The following WAPL variants were observed in gnomAD, a reference collection of about 807,000 sequenced individuals.
The protein encoded by WAPL is wings apart-like protein homolog.
A neutral mutation model predicts 121.0 loss-of-function variants in WAPL; 5 were observed. The ratio of observed to expected loss-of-function variants is 0.04; its 90% CI spans 0.02 to 0.09. The LOEUF (loss-of-function observed/expected upper bound fraction) is 0.09. WAPL is among the 10% of genes least tolerant of loss of function. The pLI, the probability that WAPL is intolerant of heterozygous loss-of-function variation, is 1.00. For missense variants in WAPL, 999 were observed against 1,410.8 expected, an observed-to-expected ratio of 0.71 and a Z score of 4.68; for synonymous variants, 480 against 481.5, an observed-to-expected ratio of 1.00 and a Z score of 0.04.
intron 2 of WAPL, among the ~76,000 whole-genome samples, chr10:86,517,252 C>T (rs1319933609): frequency 6.6e-6 from 1 of 152,122 alleles, no homozygotes; most frequent in Admixed American, 6.6e-5. Context: ...AAATCCTCCA[C>T]AGTAATAGAA....
Position 86,446,267 on chromosome 10 carries a change from C to A in WAPL, c.3297G>T (p.Glu1099Asp). The A allele has an allele frequency of 6.2e-7, 1 of 1,613,508 alleles. No individual in the cohort carries two copies. The highest frequency in any genetic ancestry group is 8.5e-7 in the Non-Finnish European group (1 of 1,179,654). Residue 1099 changes from glutamate (E) to aspartate (D), a missense_variant, in exon 16 of 19, where the codon GAG (glutamate) becomes GAT (aspartate). Glu to Asp is a conservative substitution (Grantham distance 45, BLOSUM62 2). Around this residue, in one of 7 missense-constraint regions of WAPL, gnomAD observed 126 missense variants for 144.0 expected, o/e 0.87. Coordinates refer to ENST00000298767, the MANE Select transcript of WAPL (RefSeq NM_015045.5). ...GTEEKHKKEEEDEELDLNKAL... is the reference protein window; with the variant it reads ...GTEEKHKKEEDDEELDLNKAL... Reference sequence around the variant, plus strand: ...CTTTATTGAGGTCAAGTTCTTCATCCTCCTCCTCCTTCTTATGTTTCTCTT... The same window carrying A: ...CTTTATTGAGGTCAAGTTCTTCATCATCCTCCTCCTTCTTATGTTTCTCTT...
intron 2 of WAPL, among the ~76,000 whole-genome samples, chr10:86,502,062 TGAAA>T (rs750681863): frequency 1.3e-5 from 2 of 152,226 alleles, no homozygotes; most frequent in Non-Finnish European, 2.9e-5. Flanking sequence ...AATGTACATG[TGAAA>T]GAAAGGACTT....
At chr10:86,450,086 A>G (rs1044009240) in intron 15 of WAPL, among the ~76,000 whole-genome samples, 2 of 152,224 alleles carry the variant, frequency 1.3e-5, no homozygotes, top group African/African-American at 4.8e-5. Flanking sequence ...CTATAGTACT[A>G]CAGTTATATA....
At chr10:86,481,529 A>AG (rs1841786341) in intron 4 of WAPL, among the ~76,000 whole-genome samples, 9 of 152,092 alleles carry the variant, frequency 5.9e-5, no homozygotes, top group Admixed American at 5.2e-4. Context: ...ATGTGCTACC[A>AG]CGCCCAGCTA....
At position 86,472,461 on chromosome 10, in the gene WAPL, AT is replaced by A; in HGVS notation, c.1894-118del. ...TAGTTCATTAGATGGCAACAAAAAT[AT>A]TTTTAGAACAAGGATGATGGTAGGA... On this transcript the variant is annotated intron_variant, in intron 6 of 18. Transcript: ENST00000298767. This position sits in a 1 kb window ranked among gnomAD's most constrained non-coding sequence, Gnocchi z 4.2. 1 of 1,503,980 alleles carries A rather than the reference AT, an allele frequency of 6.6e-7. No homozygotes were observed. The highest frequency in any genetic ancestry group is 1.3e-5 in the South Asian group (1 of 78,412). 93.2% of individuals were successfully genotyped at this position (1,503,980 alleles called of 1,614,324 possible). A position where few individuals can be genotyped will look rare whatever the true frequency, so the allele number is the denominator to read the frequency against.
chr10:86,511,650 AG>A (rs1368927016), intron 2 of WAPL, among the ~76,000 whole-genome samples: 1 of 152,186 alleles, frequency 6.6e-6, no homozygotes, highest in Non-Finnish European at 1.5e-5. Flanking sequence ...AAGAAATAAC[AG>A]GGCCGGGCAC....
chr10:86,447,551 T>C (rs1849653632), intron 15 of WAPL, among the ~76,000 whole-genome samples: 1 of 152,038 alleles, frequency 6.6e-6, no homozygotes, highest in African/African-American at 2.4e-5. Flanking sequence ...CCTGTTAGAC[T>C]GGCAAAAATC....
chr10:86,468,593 T>C (rs576877239), intron 8 of WAPL, among the ~76,000 whole-genome samples: 14 of 152,320 alleles, frequency 9.2e-5, no homozygotes, highest in African/African-American at 2.9e-4. Flanking sequence ...ACACATTTTT[T>C]CCCCTGGAAA....
intron 12 of WAPL, among the ~76,000 whole-genome samples, chr10:86,457,609 T>A (rs1220656447): frequency 6.6e-6 from 1 of 151,614 alleles, no homozygotes; most frequent in Non-Finnish European, 1.5e-5. Context: ...GCCGAGATCA[T>A]GCCACTGTAC....
intron 4 of WAPL, among the ~76,000 whole-genome samples, chr10:86,491,288 C>T (rs528193318): frequency 3.0e-4 from 46 of 151,104 alleles, no homozygotes; most frequent in African/African-American, 9.2e-4. Flanking sequence ...CACAGGCGCC[C>T]GCCACCACAC....
At chr10:86,477,299 G>A (rs886946389) in intron 4 of WAPL, among the ~76,000 whole-genome samples, 3 of 152,160 alleles carry the variant, frequency 2.0e-5, no homozygotes, top group Non-Finnish European at 4.4e-5. Flanking sequence ...TGTATGTAAA[G>A]CACAAAACAG....
chr10:86,474,513 C>CAAA lies in WAPL; in HGVS notation c.1645-543_1645-541dup, dbSNP rs11380209. 2.0e-3 allele frequency among the ~76,000 whole-genome samples: 259 copies of CAAA among 130,070 alleles called. 2 individuals carry two copies. The highest frequency in any genetic ancestry group is 6.7e-3 in the African/African-American group (230 of 34,178). The allele number at this position is 130,070 out of a possible 152,430, so 85.3% of individuals were successfully genotyped here. ...TGGGTGACAGAGTGAGACTCCGTCTCAAAAAAAAAAAAAAAAGGTAAACCT... is the reference window on the plus strand; with the variant it reads ...TGGGTGACAGAGTGAGACTCCGTCTCAAAAAAAAAAAAAAAAAAAGGTAAACCT... On this transcript the variant is annotated intron_variant, in intron 4 of 18. Coordinates refer to ENST00000298767, the MANE Select transcript of WAPL (RefSeq NM_015045.5).
At chr10:86,459,175 C>T (rs1841215707) in intron 11 of WAPL, 110 bp from the exon 12 acceptor site, 4 of 779,234 alleles carry the variant, frequency 5.1e-6, no homozygotes, top group East Asian at 5.4e-5. Context: ...GAAGAAACAG[C>T]CCTTGTTACC....
intron 4 of WAPL, among the ~76,000 whole-genome samples, chr10:86,481,547 A>G (rs1841787036): frequency 6.6e-6 from 1 of 151,896 alleles, no homozygotes; most frequent in African/African-American, 2.4e-5. Context: ...CTAATTTTGT[A>G]TTTTTAGTAG....
At chr10:86,440,238 G>A (rs1849428124) in intron 17 of WAPL, among the ~76,000 whole-genome samples, 1 of 151,818 alleles carries the variant, frequency 6.6e-6, no homozygotes, top group Non-Finnish European at 1.5e-5. Flanking sequence ...TAAACCTATA[G>A]TGTGTAAAAA....
chr10:86,521,747 C>G lies in WAPL; in HGVS notation c.-405G>C, dbSNP rs979610439. 2.2e-6 allele frequency: 1 copy of G among 447,206 alleles called. No homozygotes were observed. The highest frequency in any genetic ancestry group is 2.1e-5 in the African/African-American group (1 of 46,958). 27.7% of individuals were successfully genotyped at this position (447,206 alleles called of 1,614,324 possible). On this transcript the variant is annotated 5_prime_UTR_variant, in exon 1 of 19. Transcript: ENST00000298767. The stretch of plus-strand genomic sequence containing the variant: ...CTGAACCATCTCAACGCCATTTGCG[C>G]TCCCGGCCCCCACCTCCTTCCTCCA...
At position 86,499,818 on chromosome 10, in the gene WAPL, T is replaced by G. The variant is rs914861089; in HGVS notation, c.1425A>C (p.Thr475=). Residue 475 remains threonine, a synonymous_variant, in exon 3 of 19, where the codon ACA becomes ACC. Coordinates refer to ENST00000298767, the MANE Select transcript of WAPL (RefSeq NM_015045.5). ...GAGCTGTTTTAGTTCTTTTTTTGCTTGTCTTTCTTTCTACTTGACAGTCAT... is the reference window on the plus strand; with the variant it reads ...GAGCTGTTTTAGTTCTTTTTTTGCTGGTCTTTCTTTCTACTTGACAGTCAT... ...EDDDCQVERK[T]SKKRTKTAPS... 12 of 1,613,508 alleles carry G rather than the reference T, an allele frequency of 7.4e-6. No homozygotes were observed. Among genetic ancestry groups the G allele is most frequent in the African/African-American group, 1.3e-5 (1 of 74,836 alleles).
At chr10:86,507,365 C>CAAAAAAAA (rs34752630) in intron 2 of WAPL, among the ~76,000 whole-genome samples, 3 of 77,698 alleles carry the variant, frequency 3.9e-5, no homozygotes, top group Non-Finnish European at 6.8e-5. Flanking sequence ...GACTCTGTCT[C>CAAAAAAAA]AAAAAAAAAA....
chr10:86,515,085 C>T (rs1842529355), intron 2 of WAPL, among the ~76,000 whole-genome samples: 1 of 151,608 alleles, frequency 6.6e-6, no homozygotes, highest in East Asian at 2.0e-4. Context: ...CATGGTGAAA[C>T]GCCGTCTCTA....
Sources: gnomAD v4.1 joint callset for allele counts (sites outside exome capture counted in the v4.1 genomes callset) on GRCh38, gnomAD v4.1.1 for gene constraint, gnomAD v4.1.1 regional missense constraint, Gnocchi (gnomAD v3.1) non-coding constraint, MANE v1.5 for transcripts, NCBI Gene and HGNC (gene_info 2026-07-23, HGNC 2026-07-21) for gene names.